The following ADAMTSL1 variants were observed in gnomAD, a reference collection of about 807,000 sequenced individuals.
The protein encoded by ADAMTSL1 is ADAMTS like 1, also known as ADAMTS-like protein 1.
ADAMTSL1 carries 126 observed loss-of-function variants against 201.8 expected under a neutral mutation model. The observed-to-expected ratio is 0.62, with a 90% CI of 0.54 to 0.72. The LOEUF (loss-of-function observed/expected upper bound fraction) is 0.72. Among genes scored for constraint, ADAMTSL1 ranks in the 30% least tolerant of loss-of-function variants. The pLI, the probability that ADAMTSL1 is intolerant of heterozygous loss-of-function variation, is 0.00. For synonymous variants in ADAMTSL1, 1,121 were observed against 903.4 expected, an observed-to-expected ratio of 1.24 and a Z score of -4.32; for missense variants, 2,679 against 2,277.8, an observed-to-expected ratio of 1.18 and a Z score of -3.59.
chr9:18,842,188 T>G (rs1245619546), intron 23 of ADAMTSL1, among the ~76,000 whole-genome samples: 1 of 152,210 alleles, frequency 6.6e-6, no homozygotes, highest in African/African-American at 2.4e-5. Context: ...GCTATAAATT[T>G]CCCTCTAGTC....
chr9:18,706,911 C>A lies in ADAMTSL1; in HGVS notation c.1739C>A (p.Ala580Glu). The A allele has an allele frequency of 6.2e-7, 1 of 1,613,958 alleles. No individual in the cohort carries two copies. The highest frequency in any genetic ancestry group is 8.5e-7 in the Non-Finnish European group (1 of 1,179,864). ...CCAGCATCCCAGCGTGCCTGTTATGCAGGCCCATGCAGCGGGGAAATTCCT... is the reference window on the plus strand; with the variant it reads ...CCAGCATCCCAGCGTGCCTGTTATGAAGGCCCATGCAGCGGGGAAATTCCT... ...PKPASQRACY[A>E]GPCSGEIPEF... The change falls in exon 14 of 29, where the codon GCA becomes GAA. Residue 580 changes from alanine (A) to glutamate (E), a missense_variant. Physicochemically the swap from Ala to Glu is moderately radical, Grantham distance 107. Transcript: ENST00000380548.
chr9:17,948,870 C>T (rs1166407384), intron 1 of ADAMTSL1, among the ~76,000 whole-genome samples: 1 of 152,196 alleles, frequency 6.6e-6, no homozygotes, highest in Non-Finnish European at 1.5e-5. Flanking sequence ...CCAGCTGGGA[C>T]ATGTGATTGT....
chr9:18,175,323 C>A (rs1459049930), intron 2 of ADAMTSL1, among the ~76,000 whole-genome samples: 1 of 152,182 alleles, frequency 6.6e-6, no homozygotes, highest in Non-Finnish European at 1.5e-5. Context: ...CCTTCCTTCC[C>A]AGTTCTCCAC....
intron 2 of ADAMTSL1, among the ~76,000 whole-genome samples, chr9:18,277,947 T>G (rs1832647457): frequency 6.6e-6 from 1 of 152,118 alleles, no homozygotes; most frequent in Non-Finnish European, 1.5e-5. Context: ...ATCTTTTTTG[T>G]ATTTACTATC....
At chr9:18,357,224 G>GT (rs1465327505) in intron 2 of ADAMTSL1, among the ~76,000 whole-genome samples, 1 of 152,096 alleles carries the variant, frequency 6.6e-6, no homozygotes, top group Non-Finnish European at 1.5e-5. Context: ...GGTTAAAATT[G>GT]TAAGTAGGGC....
intron 1 of ADAMTSL1, among the ~76,000 whole-genome samples, chr9:18,008,705 G>A (rs755982344): frequency 6.6e-6 from 1 of 151,850 alleles, no homozygotes; most frequent in Admixed American, 6.6e-5. Context: ...TTAGCAATTA[G>A]GTGCTCTGGC....
chr9:18,625,954 C>G (rs976831929), intron 5 of ADAMTSL1, among the ~76,000 whole-genome samples: 11 of 152,286 alleles, frequency 7.2e-5, no homozygotes, highest in Admixed American at 5.2e-4. Context: ...TAAACATATT[C>G]TTGGACTATC....
chr9:18,718,468 A>G lies in ADAMTSL1; in HGVS notation c.1877-3068A>G, dbSNP rs555008907. 365 of 594,476 alleles carry G rather than the reference A, an allele frequency of 6.1e-4. 2 individuals carry two copies. The highest frequency in any genetic ancestry group is 5.7e-3 in the African/African-American group (306 of 54,112). The allele number at this position is 594,476 out of a possible 1,614,324, so 36.8% of individuals were successfully genotyped here. ...CAAAAATTCCTTGAACAAATTGTAC[A>G]TTCAAAGCAGACTTTCCAACGCCTC... is the stretch of plus-strand genomic sequence containing the variant. On this transcript the variant is annotated intron_variant, in intron 14 of 28. Coordinates refer to ENST00000380548, the MANE Select transcript of ADAMTSL1 (RefSeq NM_001040272.6).
At chr9:18,021,133 C>G (rs1235757312) in intron 1 of ADAMTSL1, among the ~76,000 whole-genome samples, 1 of 152,098 alleles carries the variant, frequency 6.6e-6, no homozygotes, top group Admixed American at 6.6e-5. Context: ...ACAGGTGCTT[C>G]TTATACAACA....
chr9:18,816,888 C>G (rs753119239), intron 20 of ADAMTSL1, among the ~76,000 whole-genome samples: 1 of 152,042 alleles, frequency 6.6e-6, no homozygotes, highest in African/African-American at 2.4e-5. Context: ...GCATATCCAT[C>G]ATTGCAAACA....
chr9:18,633,904 A>G (rs2132756540), intron 5 of ADAMTSL1, among the ~76,000 whole-genome samples: 1 of 147,526 alleles, frequency 6.8e-6, no homozygotes, highest in East Asian at 2.0e-4. Context: ...TTGAAACACT[A>G]TTTAAAAAAA....
chr9:18,086,526 C>T (rs2131797926), intron 1 of ADAMTSL1, among the ~76,000 whole-genome samples: 1 of 152,214 alleles, frequency 6.6e-6, no homozygotes, highest in Non-Finnish European at 1.5e-5. Flanking sequence ...AATTCCATGA[C>T]TATGATAATT....
intron 9 of ADAMTSL1, among the ~76,000 whole-genome samples, chr9:18,663,037 A>G (rs1829201998): frequency 6.6e-6 from 1 of 152,194 alleles, no homozygotes; most frequent in Admixed American, 6.5e-5. Flanking sequence ...TGTATGCATA[A>G]AAAGAAAGCT....
chr9:18,876,333 T>TGTGTGTGTGTGTGTGA (rs1340134785), intron 23 of ADAMTSL1, among the ~76,000 whole-genome samples: 2 of 151,474 alleles, frequency 1.3e-5, no homozygotes, highest in African/African-American at 2.4e-5. Context: ...TGTGTGTGCG[T>TGTGTGTGTGTGTGTGA]GATTGTTTTA....
intron 2 of ADAMTSL1, among the ~76,000 whole-genome samples, chr9:18,403,763 T>C (rs986104423): frequency 4.6e-5 from 7 of 152,220 alleles, no homozygotes; most frequent in African/African-American, 1.2e-4. Context: ...ACTGGCATGA[T>C]CTTGTCCTTG....
At chr9:18,618,686 T>C (rs1011260211) in intron 4 of ADAMTSL1, among the ~76,000 whole-genome samples, 2 of 151,920 alleles carry the variant, frequency 1.3e-5, no homozygotes, top group African/African-American at 4.8e-5. Context: ...ATTCTCAAGA[T>C]TGTCTCATTT....
At chr9:18,501,864 A>G (rs1368519282) in intron 1 of ADAMTSL1, among the ~76,000 whole-genome samples, 1 of 152,214 alleles carries the variant, frequency 6.6e-6, no homozygotes, top group Non-Finnish European at 1.5e-5. Context: ...CATCGTGGGC[A>G]CTTAATATGT....
intron 23 of ADAMTSL1, 21 bp from the exon 24 acceptor site, chr9:18,887,810 C>A: frequency 6.2e-7 from 1 of 1,604,838 alleles, no homozygotes. Context: ...CTAAGGCTTA[C>A]TTCTTTTCCT....
chr9:18,904,548 C>T (rs958746337), intron 26 of ADAMTSL1, among the ~76,000 whole-genome samples: 1 of 136,342 alleles, frequency 7.3e-6, no homozygotes, highest in African/African-American at 2.7e-5. Flanking sequence ...GTCGGGGGAT[C>T]AATTGAGCCT....
Sources: gnomAD v4.1 joint callset for allele counts (sites outside exome capture counted in the v4.1 genomes callset) on GRCh38, gnomAD v4.1.1 for gene constraint, MANE v1.5 for transcripts, NCBI Gene and HGNC (gene_info 2026-07-23, HGNC 2026-07-21) for gene names.